The following NYAP2 variants were observed in gnomAD, a reference collection of about 807,000 sequenced individuals.
NYAP2 encodes the protein neuronal tyrosine-phosphorylated phosphoinositide-3-kinase adapter 2.
In NYAP2, 23 loss-of-function variants were observed where a neutral mutation model predicts 50.4. The observed-to-expected ratio is 0.46, with a 90% CI of 0.33 to 0.65. The LOEUF is 0.65. Among genes scored for constraint, NYAP2 ranks in the 30% least tolerant of loss-of-function variants. The pLI, the probability that NYAP2 is intolerant of heterozygous loss-of-function variation, is 0.02. For synonymous variants in NYAP2, 394 were observed against 365.2 expected (o/e 1.08, Z -0.90); for missense variants, 885 against 861.0 (o/e 1.03, Z -0.35).
chr2:225,565,969 C>A (rs1192186262), intron 4 of NYAP2, among the ~76,000 whole-genome samples: 2 of 152,066 alleles, frequency 1.3e-5, no homozygotes, highest in African/African-American at 2.4e-5. Flanking sequence ...GCAAATTAGT[C>A]TTTTTGACAG....
chr2:225,645,790 G>A (rs1693626191), intron 6 of NYAP2, among the ~76,000 whole-genome samples: 1 of 152,108 alleles, frequency 6.6e-6, no homozygotes, highest in Non-Finnish European at 1.5e-5. Context: ...TAAAATTCAG[G>A]ATCAAAACTT....
chr2:225,478,700 A>G (rs1367582986), intron 3 of NYAP2, among the ~76,000 whole-genome samples: 2 of 152,356 alleles, frequency 1.3e-5, no homozygotes, highest in East Asian at 3.9e-4. Flanking sequence ...ACAAATTTTC[A>G]TGAAAATACA....
intron 3 of NYAP2, among the ~76,000 whole-genome samples, chr2:225,448,315 A>T (rs553318327): frequency 1.1e-3 from 160 of 152,058 alleles, no homozygotes; most frequent in African/African-American, 3.4e-3. Context: ...CATGGCTGTG[A>T]TTGTGTAGCT....
At chr2:225,523,678 C>T (rs1691105117) in intron 4 of NYAP2, among the ~76,000 whole-genome samples, 1 of 151,982 alleles carries the variant, frequency 6.6e-6, no homozygotes, top group South Asian at 2.1e-4. Flanking sequence ...ATCAAATTAC[C>T]AATGTCATTT....
intron 3 of NYAP2, among the ~76,000 whole-genome samples, chr2:225,446,216 GTCTCTC>G (rs1271105292): frequency 1.4e-4 from 10 of 69,664 alleles, no homozygotes; most frequent in African/African-American, 3.2e-4. Flanking sequence ...CTGTCTGTCT[GTCTCTC>G]TCTCTCTCTC....
intron 2 of NYAP2, among the ~76,000 whole-genome samples, chr2:225,403,325 C>T (rs1198035084): frequency 6.6e-6 from 1 of 151,852 alleles, no homozygotes; most frequent in Non-Finnish European, 1.5e-5. Flanking sequence ...AAACTTTACC[C>T]TCTGCAAATA....
chr2:225,634,104 G>T (rs1014987696), intron 6 of NYAP2, among the ~76,000 whole-genome samples: 12 of 152,108 alleles, frequency 7.9e-5, no homozygotes, highest in African/African-American at 2.9e-4. Context: ...AGCCTTTGAT[G>T]GCCAGGGAAG....
chr2:225,619,278 T>C (rs1693046109), intron 5 of NYAP2, among the ~76,000 whole-genome samples: 2 of 152,208 alleles, frequency 1.3e-5, no homozygotes, highest in Admixed American at 1.3e-4. Flanking sequence ...TGGAAGTTTG[T>C]CTGGCTCTGA....
intron 3 of NYAP2, among the ~76,000 whole-genome samples, chr2:225,497,196 G>A (rs76138377): frequency 6.8e-4 from 104 of 152,272 alleles, no homozygotes; most frequent in African/African-American, 2.4e-3. Context: ...AAAACAGGGA[G>A]CCAAGCTCCT....
At chr2:225,605,364 A>G (rs73994768) in intron 5 of NYAP2, among the ~76,000 whole-genome samples, 3 of 152,288 alleles carry the variant, frequency 2.0e-5, no homozygotes, top group African/African-American at 7.2e-5. Flanking sequence ...TTATAGTCAT[A>G]GAAGACAGAT....
intron 3 of NYAP2, among the ~76,000 whole-genome samples, chr2:225,435,554 T>C (rs766718573): frequency 2.0e-5 from 3 of 152,362 alleles, no homozygotes; most frequent in Non-Finnish European, 2.9e-5. Flanking sequence ...ACAGTCTGCT[T>C]CTTAATTTAG....
At chr2:225,507,942 C>A (rs1242652354) in intron 3 of NYAP2, among the ~76,000 whole-genome samples, 1 of 152,162 alleles carries the variant, frequency 6.6e-6, no homozygotes, top group Non-Finnish European at 1.5e-5. Flanking sequence ...CTCCATGATT[C>A]CAGTGCACAA....
intron 4 of NYAP2, among the ~76,000 whole-genome samples, chr2:225,529,849 A>G (rs1691223566): frequency 6.6e-6 from 1 of 152,180 alleles, no homozygotes; most frequent in South Asian, 2.1e-4. Context: ...CTAAGAGTAC[A>G]GGTGCCTGCC....
chr2:225,493,774 T>A (rs1397590842), intron 3 of NYAP2, among the ~76,000 whole-genome samples: 1 of 152,196 alleles, frequency 6.6e-6, no homozygotes, highest in Non-Finnish European at 1.5e-5. Context: ...AAGAAAAGAA[T>A]TTTTTTGGTG....
chr2:225,570,614 G>T (rs1692051090), intron 4 of NYAP2, among the ~76,000 whole-genome samples: 1 of 152,104 alleles, frequency 6.6e-6, no homozygotes, highest in South Asian at 2.1e-4. Flanking sequence ...AGAACAGCAT[G>T]GGGGAAACTG....
chr2:225,657,854 A>G (rs1357769365), downstream of NYAP2, among the ~76,000 whole-genome samples: 1 of 152,176 alleles, frequency 6.6e-6, no homozygotes, highest in Non-Finnish European at 1.5e-5. Context: ...CACAGGAGAA[A>G]GCAGTGCTGG....
At chr2:225,477,260 G>A (rs1478193831) in intron 3 of NYAP2, among the ~76,000 whole-genome samples, 4 of 95,646 alleles carry the variant, frequency 4.2e-5, no homozygotes, top group South Asian at 3.7e-4. Flanking sequence ...TTTTTGAGAC[G>A]GAGTCTCACT....
chr2:225,571,365 G>C (rs115847932), intron 4 of NYAP2, among the ~76,000 whole-genome samples: 2,568 of 152,322 alleles, frequency 0.017, 82 homozygotes, highest in African/African-American at 0.058. Context: ...CACTGCCATA[G>C]CAGAGGTTCT....
At chr2:225,470,521 A>G (rs188987389) in intron 3 of NYAP2, among the ~76,000 whole-genome samples, 38 of 152,254 alleles carry the variant, frequency 2.5e-4, no homozygotes, top group African/African-American at 6.7e-4. Context: ...TTTGTGCCAC[A>G]CTTGAGGAAA....
Sources: allele counts gnomAD v4.1 joint callset (sites outside exome capture counted in the v4.1 genomes callset), GRCh38; gene constraint gnomAD v4.1.1; transcripts MANE v1.5; gene names NCBI Gene and HGNC (gene_info 2026-07-23, HGNC 2026-07-21).